Variants in ZNF503 observed in about 807,000 individuals in gnomAD.
The protein encoded by ZNF503 is NocA-like zinc finger 2.
A neutral mutation model predicts 34.4 loss-of-function variants in ZNF503; 15 were observed. The observed-to-expected ratio is 0.44, with a 90% CI of 0.29 to 0.67. The LOEUF (loss-of-function observed/expected upper bound fraction) is 0.67, where lower values mean the gene tolerates loss of function less well. Ranked by LOEUF, ZNF503 falls within the 30% of genes least tolerant of loss-of-function variation. The probability of loss-of-function intolerance (pLI) is 0.13; values close to 1 mark genes in which losing one functional copy is unlikely to be tolerated. For missense variants in ZNF503, 1,007 were observed against 926.8 expected, an observed-to-expected ratio of 1.09 and a Z score of -1.12; for synonymous variants, 580 against 456.8, an observed-to-expected ratio of 1.27 and a Z score of -3.44.
chr10:75,312,428 A>C, the ZNF503 span, among the ~76,000 whole-genome samples: 1 of 152,230 alleles, frequency 6.6e-6, no homozygotes, highest in South Asian at 2.1e-4. Context: ...AATCTGAACA[A>C]CACAAATAAA....
At chr10:75,302,317 CA>C in the ZNF503 span, among the ~76,000 whole-genome samples, 1 of 152,096 alleles carries the variant, frequency 6.6e-6, no homozygotes, top group Non-Finnish European at 1.5e-5. Context: ...AGGCTTTCAA[CA>C]GTTTTACTCT....
chr10:75,399,613 GTAGGTCATA>G lies in ZNF503; in HGVS notation c.1068_1076del (p.Met357_Tyr359del). The G allele has an allele frequency of 6.3e-7, 1 of 1,598,270 alleles. No homozygotes were observed. The highest frequency in any genetic ancestry group is 8.5e-7 in the Non-Finnish European group (1 of 1,179,640). On this transcript the variant is annotated inframe_deletion, in exon 2 of 2. Coordinates refer to ENST00000372524, the MANE Select transcript of ZNF503 (RefSeq NM_032772.6). ...CGTAGGCCCCGGCCAGGCTGCCTGG[GTAGGTCATA>G]CCCGCGGGAGGCAGAGGGAACACTG...
the ZNF503 span, among the ~76,000 whole-genome samples, chr10:75,294,702 G>A: frequency 6.6e-6 from 1 of 150,666 alleles, no homozygotes; most frequent in South Asian, 2.1e-4. Context: ...AGCGGAGCGG[G>A]GAAGGAAGAG....
chr10:75,394,272 G>A (rs1843673344), downstream of ZNF503, among the ~76,000 whole-genome samples: 1 of 152,244 alleles, frequency 6.6e-6, no homozygotes, highest in Non-Finnish European at 1.5e-5. Context: ...ATGGGGTGAA[G>A]ATTCTAATGA....
the ZNF503 span, among the ~76,000 whole-genome samples, chr10:75,389,484 C>T: frequency 7.2e-5 from 11 of 152,170 alleles, no homozygotes; most frequent in Non-Finnish European, 1.3e-4. Context: ...AATCCTAGCA[C>T]TTTGGGAGGC....
At chr10:75,382,401 C>A in the ZNF503 span, 1 of 374,540 alleles carries the variant, frequency 2.7e-6, no homozygotes, top group South Asian at 2.5e-5. Context: ...AACTTGTATT[C>A]CTCTGTTTCC....
the ZNF503 span, among the ~76,000 whole-genome samples, chr10:75,319,880 C>T: frequency 6.6e-6 from 1 of 152,148 alleles, no homozygotes; most frequent in Admixed American, 6.5e-5. Flanking sequence ...ATGACCATAA[C>T]TCACCCAATA....
chr10:75,373,669 G>A, the ZNF503 span, among the ~76,000 whole-genome samples: 1 of 152,180 alleles, frequency 6.6e-6, no homozygotes, highest in Non-Finnish European at 1.5e-5. Context: ...GGTGAGCTGG[G>A]TGACTTACGC....
At chr10:75,342,398 C>T in the ZNF503 span, among the ~76,000 whole-genome samples, 1 of 151,958 alleles carries the variant, frequency 6.6e-6, no homozygotes, top group Non-Finnish European at 1.5e-5. Flanking sequence ...CGTATGGGAG[C>T]GAGAGAAGCA....
At chr10:75,349,101 C>A in the ZNF503 span, among the ~76,000 whole-genome samples, 1 of 152,264 alleles carries the variant, frequency 6.6e-6, no homozygotes, top group Non-Finnish European at 1.5e-5. Flanking sequence ...AGGGCATTTG[C>A]AAAGTGCAAT....
chr10:75,364,241 T>C, the ZNF503 span, among the ~76,000 whole-genome samples: 1 of 152,222 alleles, frequency 6.6e-6, no homozygotes, highest in Admixed American at 6.5e-5. Context: ...TCTGATGGAC[T>C]GGGTGCTGAA....
chr10:75,377,014 T>C, the ZNF503 span, among the ~76,000 whole-genome samples: 523 of 152,296 alleles, frequency 3.4e-3, 4 homozygotes, highest in African/African-American at 0.011. Flanking sequence ...CAAAGTGTGG[T>C]TCTGGGACCA....
chr10:75,346,509 C>A, the ZNF503 span, among the ~76,000 whole-genome samples: 1 of 151,622 alleles, frequency 6.6e-6, no homozygotes, highest in African/African-American at 2.4e-5. Flanking sequence ...TGGCTCACTG[C>A]AGCCTCAACT....
At chr10:75,286,153 C>T in the ZNF503 span, among the ~76,000 whole-genome samples, 900 of 151,932 alleles carry the variant, frequency 5.9e-3, 12 homozygotes, top group African/African-American at 0.021. Context: ...CCTGGTGGCA[C>T]GCGCCTGTAG....
the ZNF503 span, among the ~76,000 whole-genome samples, chr10:75,338,033 A>G: frequency 6.6e-6 from 1 of 152,242 alleles, no homozygotes; most frequent in African/African-American, 2.4e-5. Flanking sequence ...GAAAATAGCT[A>G]CTTAATCCTT....
chr10:75,400,306 G>A lies in ZNF503; in HGVS notation c.384C>T (p.Pro128=), dbSNP rs780090183. 94 of 1,612,940 alleles carry A rather than the reference G, an allele frequency of 5.8e-5. No homozygotes were observed. Among genetic ancestry groups the A allele is most frequent in the Non-Finnish European group, 7.6e-5 (90 of 1,179,608 alleles). Residue 128 remains proline (P), a synonymous_variant, in exon 2 of 2, where the codon CCC becomes CCT. Transcript: ENST00000372524. ...CCGAGGAGAGTTTGGAGGAGGGCGA[G>A]GGGTCGGGCTTCCCGATCTGCGAAC... is the stretch of plus-strand genomic sequence containing the variant. ...QTCSQIGKPD[P]SPSSKLSSVA... is the part of the protein sequence containing the mutation.
the ZNF503 span, among the ~76,000 whole-genome samples, chr10:75,319,199 C>G: frequency 1.3e-5 from 2 of 152,164 alleles, no homozygotes; most frequent in South Asian, 4.1e-4. Context: ...CTCCTAGACT[C>G]AAGCAATCCC....
At chr10:75,400,519 C>A (rs977557032) in intron 1 of ZNF503, 145 bp from the exon 2 acceptor site, 2 of 1,419,746 alleles carry the variant, frequency 1.4e-6, no homozygotes, top group South Asian at 3.0e-5. Context: ...TAGGCGGCAC[C>A]CCCTCTTCAA....
Position 75,400,386 on chromosome 10 carries a change from G to T in ZNF503, c.316-12C>A. On this transcript the variant is annotated splice_polypyrimidine_tract_variant and intron_variant, in intron 1 of 1. Coordinates refer to ENST00000372524, the MANE Select transcript of ZNF503 (RefSeq NM_032772.6). Reference sequence around the variant, plus strand: ...TTCTTGGCATCGAGCTGCGGGGTCAGACGATGGGGGGGGAGCGTCACACAG... The same window carrying T: ...TTCTTGGCATCGAGCTGCGGGGTCATACGATGGGGGGGGAGCGTCACACAG... 1 of 1,592,496 alleles carries T rather than the reference G, an allele frequency of 6.3e-7. No individual in the cohort carries two copies. Among genetic ancestry groups the T allele is most frequent in the Non-Finnish European group, 8.5e-7 (1 of 1,172,658 alleles).
Sources: gnomAD v4.1 joint callset for allele counts (sites outside exome capture counted in the v4.1 genomes callset) on GRCh38, gnomAD v4.1.1 for gene constraint, MANE v1.5 for transcripts, NCBI Gene and HGNC (gene_info 2026-07-23, HGNC 2026-07-21) for gene names.